The following TEX36 variants were observed in gnomAD, a reference collection of about 807,000 sequenced individuals.
TEX36 encodes the protein testis-expressed protein 36.
TEX36 carries 12 observed loss-of-function variants against 13.6 expected under a neutral mutation model. That is an observed-to-expected ratio of 0.88 (90% CI 0.56 to 1.43). TEX36 has a LOEUF of 1.43. Ranked by LOEUF, TEX36 falls within the 40% of genes most tolerant of loss-of-function variation. The probability of loss-of-function intolerance (pLI) is 0.00; values close to 1 mark genes in which losing one functional copy is unlikely to be tolerated. For missense variants in TEX36, 224 were observed against 228.3 expected (o/e 0.98, Z 0.12); for synonymous variants, 93 against 83.0 (o/e 1.12, Z -0.65).
intron 1 of TEX36, among the ~76,000 whole-genome samples, chr10:125,669,891 C>T (rs1386034405): frequency 6.6e-6 from 1 of 152,184 alleles, no homozygotes; most frequent in Non-Finnish European, 1.5e-5. Context: ...AAGATAATGG[C>T]CTCCAGCTCC....
At chr10:125,614,239 C>G (rs1193303881) in intron 3 of TEX36, among the ~76,000 whole-genome samples, 2 of 152,136 alleles carry the variant, frequency 1.3e-5, no homozygotes, top group East Asian at 3.9e-4. Flanking sequence ...GTTGCCTGTT[C>G]CCTCTGATGG....
intron 3 of TEX36, among the ~76,000 whole-genome samples, chr10:125,626,110 A>G (rs376626901): frequency 1.2e-4 from 18 of 152,308 alleles, no homozygotes; most frequent in African/African-American, 2.2e-4. Context: ...CTGAAGGGCC[A>G]TTCTAGCTCA....
At chr10:125,626,843 C>T (rs1374653523) in intron 3 of TEX36, among the ~76,000 whole-genome samples, 1 of 152,160 alleles carries the variant, frequency 6.6e-6, no homozygotes, top group Non-Finnish European at 1.5e-5. Context: ...ATTGGTCTAA[C>T]CCGGGATGGC....
chr10:125,615,593 T>A (rs1846346941), intron 3 of TEX36, among the ~76,000 whole-genome samples: 1 of 151,582 alleles, frequency 6.6e-6, no homozygotes, highest in Non-Finnish European at 1.5e-5. Context: ...ATTTATTGAT[T>A]TGCGTATATT....
At chr10:125,673,701 A>T (rs1410664583) in intron 1 of TEX36, among the ~76,000 whole-genome samples, 5 of 111,182 alleles carry the variant, frequency 4.5e-5, no homozygotes, top group African/African-American at 2.1e-4. Context: ...CGAGAGAGAG[A>T]CTCTCTCTCA....
At chr10:125,667,376 G>T in intron 1 of TEX36, 1 of 650,122 alleles carries the variant, frequency 1.5e-6, no homozygotes, top group East Asian at 3.4e-5. Flanking sequence ...CCCATTAGGG[G>T]GGATCTCAGG....
Position 125,661,895 on chromosome 10 carries a change from G to A in TEX36, c.134C>T (p.Pro45Leu). The A allele has an allele frequency of 1.3e-6, 2 of 1,552,254 alleles. No homozygotes were observed. The highest frequency in any genetic ancestry group is 1.7e-6 in the Non-Finnish European group (2 of 1,147,116). Residue 45 changes from proline (P) to leucine (L), a missense_variant, in exon 2 of 4, where the codon CCT becomes CTT. By Grantham distance (98) the Pro-to-Leu change is moderately conservative. Transcript: ENST00000368821. ...CGGCAGCTTCCCCTCCGCTTGCCGA[G>A]GCAAGTGTGGACTCTGGGGCTCTTT... ...TSKEPQSPHL[P>L]RQAEGKLPPI...
chr10:125,625,073 A>G (rs1846470157), intron 3 of TEX36, among the ~76,000 whole-genome samples: 1 of 152,226 alleles, frequency 6.6e-6, no homozygotes, highest in Non-Finnish European at 1.5e-5. Context: ...CACCTCTTCC[A>G]GAAAGTCCGT....
chr10:125,662,055 C>T (rs1472006124), intron 1 of TEX36, 78 bp from the exon 2 acceptor site: 12 of 1,512,606 alleles, frequency 7.9e-6, no homozygotes, highest in African/African-American at 1.4e-5. Flanking sequence ...TTCCTTTGTA[C>T]AGTGATTAAA....
At chr10:125,662,507 G>T (rs11244598) in intron 1 of TEX36, among the ~76,000 whole-genome samples, 1 of 152,098 alleles carries the variant, frequency 6.6e-6, no homozygotes, top group Non-Finnish European at 1.5e-5. Context: ...GGAAAAAGAG[G>T]GGGTAGAAGG....
exon 4 of TEX36, chr10:125,576,707 G>C: frequency 6.5e-7 from 1 of 1,534,062 alleles, no homozygotes; most frequent in Non-Finnish European, 8.7e-7. Context: ...CTATTAGTCA[G>C]GACTCTGGGG....
intron 3 of TEX36, among the ~76,000 whole-genome samples, chr10:125,606,545 T>A (rs989801790): frequency 6.6e-6 from 1 of 152,180 alleles, no homozygotes; most frequent in African/African-American, 2.4e-5. Flanking sequence ...CAATATTAGC[T>A]GCTCTACCCA....
At chr10:125,674,600 A>G (rs969012984) in intron 1 of TEX36, among the ~76,000 whole-genome samples, 1 of 152,084 alleles carries the variant, frequency 6.6e-6, no homozygotes, top group African/African-American at 2.4e-5. Flanking sequence ...TTTGGATGGA[A>G]TTTTTACAGG....
intron 3 of TEX36, among the ~76,000 whole-genome samples, chr10:125,600,472 C>G (rs896140033): frequency 6.6e-6 from 1 of 152,058 alleles, no homozygotes. Flanking sequence ...GACTCCTGAG[C>G]CTGTTGTACT....
At chr10:125,661,501 C>A (rs547493977) in intron 2 of TEX36, among the ~76,000 whole-genome samples, 2 of 152,212 alleles carry the variant, frequency 1.3e-5, no homozygotes, top group East Asian at 3.9e-4. Context: ...GGAACCCTGG[C>A]AGGTATGAAA....
intron 3 of TEX36, among the ~76,000 whole-genome samples, chr10:125,585,532 C>G (rs935873704): frequency 6.6e-6 from 1 of 152,290 alleles, no homozygotes; most frequent in East Asian, 1.9e-4. Context: ...TCCTCTACCC[C>G]AAAGCTAGCC....
In TEX36 at chr10:125,656,051, A is replaced by G. The variant is rs769557015; in HGVS notation, c.410T>C (p.Val137Ala). The G allele has an allele frequency of 6.4e-6, 10 of 1,551,800 alleles. No individual in the cohort carries two copies. In the South Asian group the frequency reaches 1.2e-4, roughly 18 times the overall value. ...ISYVYKEAMVVSSFRRFPRCY... is the reference protein window; with the variant it reads ...ISYVYKEAMVASSFRRFPRCY... ...TCGTGGAAAGCGTCTGAAGCTTGAGACCACCATGGCTTCTTTATATACGTA... is the reference window on the plus strand; with the variant it reads ...TCGTGGAAAGCGTCTGAAGCTTGAGGCCACCATGGCTTCTTTATATACGTA... The change falls in exon 4 of 4, where the codon GTC becomes GCC. Residue 137 changes from valine (V) to alanine (A), a missense_variant. Transcript: ENST00000368821.
At chr10:125,629,206 AG>A (rs1846523342) in intron 3 of TEX36, among the ~76,000 whole-genome samples, 1 of 152,222 alleles carries the variant, frequency 6.6e-6, no homozygotes, top group South Asian at 2.1e-4. Flanking sequence ...TCACAAAAAA[AG>A]GACTGACTGT....
intron 3 of TEX36, among the ~76,000 whole-genome samples, chr10:125,632,997 G>A (rs765391198): frequency 5.9e-5 from 9 of 152,162 alleles, no homozygotes; most frequent in Admixed American, 3.3e-4. Flanking sequence ...AGTGTCATAC[G>A]CCTGTAATCC....
Sources: gnomAD v4.1 joint callset for allele counts (sites outside exome capture counted in the v4.1 genomes callset) on GRCh38, gnomAD v4.1.1 for gene constraint, MANE v1.5 for transcripts, NCBI Gene and HGNC (gene_info 2026-07-23, HGNC 2026-07-21) for gene names.